RPL28: variants seen among roughly 807,000 people sequenced by gnomAD.
The protein encoded by RPL28 is ribosomal protein L28.
RPL28 carries 4 observed loss-of-function variants against 12.5 expected under a neutral mutation model. That is an observed-to-expected ratio of 0.32 (90% CI 0.16 to 0.73). RPL28 has a LOEUF of 0.73. Ranked by LOEUF, RPL28 falls within the 30% of genes least tolerant of loss-of-function variation. RPL28 has a pLI of 0.66. For synonymous variants in RPL28, 91 were observed against 72.5 expected (o/e 1.26, Z -1.30); for missense variants, 214 against 197.7 (o/e 1.08, Z -0.49).
chr19:55,400,255 C>A (rs1167146217), intron 4 of RPL28: 1 of 152,196 alleles, frequency 6.6e-6, no homozygotes, highest in Non-Finnish European at 1.5e-5. Context: ...TAACTCCTGG[C>A]CTCAAGTGAT....
intron 4 of RPL28, among the ~76,000 whole-genome samples, chr19:55,398,422 C>T (rs1443013343): frequency 6.6e-6 from 1 of 152,208 alleles, no homozygotes; most frequent in African/African-American, 2.4e-5. Context: ...TCTCACTGTT[C>T]CAACTGGAGT....
rs1318921823 is a variant in RPL28, at chr19:55,386,353, C to T, written c.-5C>T. Reference sequence around the variant, plus strand: ...CCCTGTGCCCGTTTCCCCGCAGCCGCCGCCATGTCTGCGCATCTGCAATGG... The same window carrying T: ...CCCTGTGCCCGTTTCCCCGCAGCCGTCGCCATGTCTGCGCATCTGCAATGG... On this transcript the variant is annotated 5_prime_UTR_variant, in exon 2 of 5. Transcript: ENST00000344063. 5 of 1,613,814 alleles carry T rather than the reference C, an allele frequency of 3.1e-6. No homozygotes were observed. Among genetic ancestry groups the T allele is most frequent in the Non-Finnish European group, 8.5e-7 (1 of 1,179,926 alleles).
Position 55,387,878 on chromosome 19 carries a change from A to C in RPL28, c.206-52A>C, listed in dbSNP as rs146082824. On this transcript the variant is annotated intron_variant, in intron 3 of 4. Coordinates refer to ENST00000344063, the MANE Select transcript of RPL28 (RefSeq NM_000991.5). Reference sequence around the variant, plus strand: ...ACTGTCCACACCTGCGAGGTGTGCTAAAGGTGCAGGTTAGGTGGACTGACC... The same window carrying C: ...ACTGTCCACACCTGCGAGGTGTGCTCAAGGTGCAGGTTAGGTGGACTGACC... 1,195 of 1,512,926 alleles carry C rather than the reference A, an allele frequency of 7.9e-4. 11 individuals carry two copies. The African/African-American group carries it at 0.012, about 15-fold the overall frequency. The allele number at this position is 1,512,926 out of a possible 1,614,324, so 93.7% of individuals were successfully genotyped here. A position where few individuals can be genotyped will look rare whatever the true frequency, so the allele number is the denominator to read the frequency against.
chr19:55,388,009 C>G lies in RPL28; in HGVS notation c.285C>G (p.His95Gln). 2 of 1,613,618 alleles carry G rather than the reference C, an allele frequency of 1.2e-6. No individual in the cohort carries two copies. Among genetic ancestry groups the G allele is most frequent in the Non-Finnish European group, 1.7e-6 (2 of 1,179,810 alleles). The change falls in exon 4 of 5, where the codon CAC becomes CAG. Residue 95 changes from histidine (H) to glutamine (Q), a missense_variant. By Grantham distance (24) the His-to-Gln change is conservative. Coordinates refer to ENST00000344063, the MANE Select transcript of RPL28 (RefSeq NM_000991.5). ...NARATLSSIR[H>Q]MIRKNKYRPD... ...GCGCCACGCTCAGCAGCATCAGACA[C>G]ATGATCCGCAAGAACAAGTACCGCC...
chr19:55,387,787 A>G, intron 3 of RPL28, 143 bp from the exon 4 acceptor site: 1 of 1,462,852 alleles, frequency 6.8e-7, no homozygotes, highest in South Asian at 1.5e-5. Flanking sequence ...AGGTGGGAAA[A>G]CAGCTACCTG....
chr19:55,387,955 T>C lies in RPL28; in HGVS notation c.231T>C (p.Tyr77=). 3 of 1,594,598 alleles carry C rather than the reference T, an allele frequency of 1.9e-6. No individual in the cohort carries two copies. The South Asian group carries it at 3.4e-5, about 18-fold the overall frequency. The change falls in exon 4 of 5, where the codon TAT becomes TAC. Residue 77 remains tyrosine, a synonymous_variant. Transcript: ENST00000344063. ...RSGQRKPATS[Y]VRTTINKNAR... is the part of the protein sequence containing the mutation. ...GCCAGCGGAAGCCTGCCACCTCCTA[T>C]GTGCGGACCACCATCAACAAGAATG...
In RPL28 at chr19:55,391,559, G is replaced by A; in HGVS notation, c.*3227G>A. The A allele has an allele frequency of 6.5e-7, 1 of 1,535,282 alleles. No homozygotes were observed. The highest frequency in any genetic ancestry group is 8.8e-7 in the Non-Finnish European group (1 of 1,133,984). Reference sequence around the variant, plus strand: ...GAGGCATCCTCTGTTCACAGGACATGCTGGCATCTACTGGGTCAGGGCTCT... The same window carrying A: ...GAGGCATCCTCTGTTCACAGGACATACTGGCATCTACTGGGTCAGGGCTCT... On this transcript the variant is annotated 3_prime_UTR_variant, in exon 5 of 5. Coordinates refer to ENST00000344063, the MANE Select transcript of RPL28 (RefSeq NM_000991.5).
chr19:55,394,404 T>C (rs74683747), downstream of RPL28, among the ~76,000 whole-genome samples: 9,964 of 151,314 alleles, frequency 0.066, 378 homozygotes, highest in African/African-American at 0.091. Context: ...GCACCACCGG[T>C]GTGCTCCACC....
At chr19:55,402,998 G>T in exon 5 of RPL28, 2 of 1,534,188 alleles carry the variant, frequency 1.3e-6, no homozygotes, top group South Asian at 2.4e-5. Context: ...CACCAGCCTA[G>T]ACCAGGACGC....
chr19:55,392,596 G>C (rs146698427), downstream of RPL28, among the ~76,000 whole-genome samples: 1,122 of 149,964 alleles, frequency 7.5e-3, 15 homozygotes, highest in African/African-American at 0.027. Context: ...GCAGTGGCGC[G>C]ACCTCGGGTG....
At position 55,397,674 on chromosome 19, in the gene RPL28, G is replaced by A. The variant is rs576197285; in HGVS notation, c.325-5269G>A. ...GGATTATAGGTGAGCCACCGCGCCC[G>A]GCCAGGACAAATGTTTTAAACCTGT... is the stretch of plus-strand genomic sequence containing the variant. On this transcript the variant is annotated intron_variant, in intron 4 of 4. Transcript: ENST00000560055. 4.2e-4 allele frequency among the ~76,000 whole-genome samples: 64 copies of A among 151,556 alleles called. 3 individuals are homozygous for A. The South Asian group carries it at 0.012, about 28-fold the overall frequency.
Position 55,391,303 on chromosome 19 carries a change from C to G in RPL28, c.*2971C>G. On this transcript the variant is annotated 3_prime_UTR_variant, in exon 5 of 5. Coordinates refer to ENST00000344063, the MANE Select transcript of RPL28 (RefSeq NM_000991.5). Reference sequence around the variant, plus strand: ...TGCCCAGCTGTGGGGACTTGGGCAGCTCGTTTAGTAGCACCGTGCCTCAGT... The same window carrying G: ...TGCCCAGCTGTGGGGACTTGGGCAGGTCGTTTAGTAGCACCGTGCCTCAGT... 1.6e-6 allele frequency: 1 copy of G among 644,750 alleles called. No individual in the cohort carries two copies. Among genetic ancestry groups the G allele is most frequent in the Non-Finnish European group, 2.1e-6 (1 of 466,072 alleles). The allele number at this position is 644,750 out of a possible 1,614,324, so 39.9% of individuals were successfully genotyped here.
intron 4 of RPL28, chr19:55,401,220 C>G (rs2090055163): frequency 1.6e-6 from 1 of 623,336 alleles, no homozygotes; most frequent in African/African-American, 1.8e-5. Flanking sequence ...TGCAGGGGAG[C>G]CAAACTCCCA....
At position 55,388,892 on chromosome 19, in the gene RPL28, C is replaced by T. The variant is rs1237185252; in HGVS notation, c.*560C>T. 10 of 985,670 alleles carry T rather than the reference C, an allele frequency of 1.0e-5. No homozygotes were observed. The highest frequency in any genetic ancestry group is 6.2e-5 in the Admixed American group (1 of 16,260). 61.1% of individuals were successfully genotyped at this position (985,670 alleles called of 1,614,324 possible). The stretch of plus-strand genomic sequence containing the variant: ...AGATGGGCAACTTGGTGGGTGGTGG[C>T]TTATAACTGTAAGGGAGATGGCAGC... On this transcript the variant is annotated 3_prime_UTR_variant, in exon 5 of 5. Transcript: ENST00000344063.
Position 55,391,809 on chromosome 19 carries a change from AC to A in RPL28, c.*3478del. The A allele has an allele frequency of 1.4e-6, 2 of 1,429,374 alleles. No individual in the cohort carries two copies. The highest frequency in any genetic ancestry group is 1.5e-5 in the South Asian group (1 of 66,560). 88.5% of individuals were successfully genotyped at this position (1,429,374 alleles called of 1,614,324 possible). ...TGGACTCATGATCACAGATGTCTTC[AC>A]ATGCCTATGACTAATTTGTACACAA... On this transcript the variant is annotated 3_prime_UTR_variant, in exon 5 of 5. Transcript: ENST00000344063.
rs2089977733 is a variant in RPL28 at position 55,390,233 on chromosome 19, C to T, written c.*1901C>T. On this transcript the variant is annotated 3_prime_UTR_variant, in exon 5 of 5. Coordinates refer to ENST00000344063, the MANE Select transcript of RPL28 (RefSeq NM_000991.5). Reference sequence around the variant, plus strand: ...TGGAGACTTTCTGGAGATGGAGTCTCGCTCTGTTGCCCAGGCTGGCGAGTG... The same window carrying T: ...TGGAGACTTTCTGGAGATGGAGTCTTGCTCTGTTGCCCAGGCTGGCGAGTG... 3.6e-5 allele frequency: 35 copies of T among 982,806 alleles called. No homozygotes were observed. The highest frequency in any genetic ancestry group is 4.7e-5 in the South Asian group (1 of 21,242). The allele number at this position is 982,806 out of a possible 1,614,324, so 60.9% of individuals were successfully genotyped here.
intron 4 of RPL28, chr19:55,400,194 A>G (rs2090046830): frequency 6.6e-6 from 1 of 152,202 alleles, no homozygotes; most frequent in African/African-American, 2.4e-5. Flanking sequence ...TTGTAAATGT[A>G]TTTTACTTTT....
chr19:55,388,596 A>T lies in RPL28; in HGVS notation c.*264A>T. On this transcript the variant is annotated 3_prime_UTR_variant, in exon 5 of 5. Coordinates refer to ENST00000344063, the MANE Select transcript of RPL28 (RefSeq NM_000991.5). ...GTTTGCTGACTTGTGATTGAGACCT[A>T]CTGTCCCATTGTGAGGTGGCCTGAA... is the stretch of plus-strand genomic sequence containing the variant. 1.6e-6 allele frequency: 2 copies of T among 1,238,584 alleles called. No individual in the cohort carries two copies. Among genetic ancestry groups the T allele is most frequent in the Non-Finnish European group, 2.0e-6 (2 of 991,240 alleles). 76.7% of individuals were successfully genotyped at this position (1,238,584 alleles called of 1,614,324 possible). A position where few individuals can be genotyped will look rare whatever the true frequency, so the allele number is the denominator to read the frequency against.
chr19:55,396,477 T>TCCCC (rs112754863), downstream of RPL28, among the ~76,000 whole-genome samples: 1 of 12,882 alleles, frequency 7.8e-5, no homozygotes, highest in Non-Finnish European at 1.3e-4. Context: ...AGGAAAGTTC[T>TCCCC]CCCCCCTCCC....
Sources: gnomAD v4.1 joint callset for allele counts (sites outside exome capture counted in the v4.1 genomes callset) on GRCh38, gnomAD v4.1.1 for gene constraint, MANE v1.5 for transcripts, NCBI Gene and HGNC (gene_info 2026-07-23, HGNC 2026-07-21) for gene names.